MYO5B: variants seen among roughly 807,000 people sequenced by gnomAD.
MYO5B encodes the protein myosin VB, also known as unconventional myosin-Vb.
In MYO5B, 143 loss-of-function variants were observed where a neutral mutation model predicts 229.3. The observed-to-expected ratio is 0.62, with a 90% CI of 0.54 to 0.72. The LOEUF (loss-of-function observed/expected upper bound fraction) is 0.72. Ranked by LOEUF, MYO5B falls within the 30% of genes least tolerant of loss-of-function variation. MYO5B has a pLI of 0.00. For synonymous variants in MYO5B, 918 were observed against 885.2 expected, an observed-to-expected ratio of 1.04 and a Z score of -0.66; for missense variants, 2,321 against 2,331.0, an observed-to-expected ratio of 1.00 and a Z score of 0.09.
At chr18:49,887,564 AT>A (rs1209577666) in intron 22 of MYO5B, among the ~76,000 whole-genome samples, 1 of 152,144 alleles carries the variant, frequency 6.6e-6, no homozygotes, top group Non-Finnish European at 1.5e-5. Context: ...AACTTTTGCC[AT>A]GGCTGGAAGC....
chr18:49,964,495 T>C (rs1433527425), intron 10 of MYO5B, among the ~76,000 whole-genome samples: 1 of 152,216 alleles, frequency 6.6e-6, no homozygotes, highest in African/African-American at 2.4e-5. Context: ...CCATGCTCCA[T>C]TCGGGTCAGC....
rs2025725543 is a variant in MYO5B at position 49,974,632 on chromosome 18, A to C, written c.1057-17T>G. On this transcript the variant is annotated splice_polypyrimidine_tract_variant and intron_variant, in intron 9 of 39. Transcript: ENST00000285039. Reference sequence around the variant, plus strand: ...ATCCTGGGGCTGTGGGAGATGGGGGAGATAGGTTCAGGAGGAGTGTGGGAG... The same window carrying C: ...ATCCTGGGGCTGTGGGAGATGGGGGCGATAGGTTCAGGAGGAGTGTGGGAG... The C allele has an allele frequency of 6.2e-7, 1 of 1,611,464 alleles. No individual in the cohort carries two copies. Among genetic ancestry groups the C allele is most frequent in the East Asian group, 2.2e-5 (1 of 44,814 alleles).
At chr18:50,102,725 C>A (rs1242291119) in intron 1 of MYO5B, among the ~76,000 whole-genome samples, 1 of 143,754 alleles carries the variant, frequency 7.0e-6, no homozygotes, top group Non-Finnish European at 1.5e-5. Flanking sequence ...ACCTCAGAAC[C>A]AATGAATTAA....
At chr18:50,117,339 C>T (rs1380686436) in intron 1 of MYO5B, among the ~76,000 whole-genome samples, 1 of 152,046 alleles carries the variant, frequency 6.6e-6, no homozygotes, top group Admixed American at 6.6e-5. Context: ...AAGGCTCTTC[C>T]AGGAAGACCC....
At chr18:49,835,260 AGAG>A in intron 39 of MYO5B, 81 bp downstream of exon 39, 1 of 957,548 alleles carries the variant, frequency 1.0e-6, no homozygotes, top group Non-Finnish European at 1.7e-6. Context: ...TTAGTAATAA[AGAG>A]AAGCAAGATT....
chr18:50,125,396 A>G (rs2032144177), intron 1 of MYO5B, among the ~76,000 whole-genome samples: 1 of 150,348 alleles, frequency 6.7e-6, no homozygotes, highest in African/African-American at 2.4e-5. Flanking sequence ...GGGAAGGGAT[A>G]GCATTAGGAG....
chr18:49,909,542 A>T (rs11082787), intron 18 of MYO5B, among the ~76,000 whole-genome samples: 2 of 152,204 alleles, frequency 1.3e-5, no homozygotes, highest in Non-Finnish European at 2.9e-5. Flanking sequence ...CTAGTTCCCC[A>T]GCCAGCTGCA....
intron 1 of MYO5B, among the ~76,000 whole-genome samples, chr18:50,188,988 C>T (rs2033192022): frequency 6.6e-6 from 1 of 151,986 alleles, no homozygotes; most frequent in African/African-American, 2.4e-5. Flanking sequence ...CATCTGAAAA[C>T]GGGGAGCAGA....
At chr18:50,048,971 G>A (rs368710192) in intron 2 of MYO5B, among the ~76,000 whole-genome samples, 2 of 150,550 alleles carry the variant, frequency 1.3e-5, no homozygotes, top group South Asian at 2.1e-4. Context: ...GAAGTGTGCC[G>A]AGATTGCACC....
intron 14 of MYO5B, among the ~76,000 whole-genome samples, chr18:49,949,287 T>C (rs1027870692): frequency 2.6e-5 from 4 of 151,950 alleles, no homozygotes; most frequent in Non-Finnish European, 5.9e-5. Context: ...TTCTCCTGGT[T>C]GATAAATTAT....
At chr18:50,151,360 C>T (rs2032595691) in intron 1 of MYO5B, among the ~76,000 whole-genome samples, 1 of 152,156 alleles carries the variant, frequency 6.6e-6, no homozygotes. Flanking sequence ...AATTCTGTGA[C>T]CAAGGAGAAG....
intron 29 of MYO5B, among the ~76,000 whole-genome samples, chr18:49,858,730 T>C (rs1483063045): frequency 1.3e-5 from 2 of 152,170 alleles, no homozygotes; most frequent in Non-Finnish European, 2.9e-5. Context: ...CCAGGCACTA[T>C]TGACAAAGAT....
At chr18:50,164,809 T>A (rs548349922) in intron 1 of MYO5B, among the ~76,000 whole-genome samples, 2 of 152,348 alleles carry the variant, frequency 1.3e-5, no homozygotes, top group South Asian at 4.1e-4. Flanking sequence ...GTTCTCATTG[T>A]TCTCTGATGC....
chr18:49,993,318 G>A (rs1187663058), intron 5 of MYO5B, among the ~76,000 whole-genome samples: 1 of 151,766 alleles, frequency 6.6e-6, no homozygotes, highest in Non-Finnish European at 1.5e-5. Flanking sequence ...TACCCCTCAA[G>A]TCCTGCCCAG....
intron 1 of MYO5B, among the ~76,000 whole-genome samples, chr18:50,179,940 G>A (rs1025273097): frequency 9.9e-5 from 15 of 152,144 alleles, no homozygotes; most frequent in African/African-American, 2.9e-4. Context: ...GTATCAATGC[G>A]GGATGCTCTT....
At chr18:50,072,478 C>T (rs532704158) in intron 1 of MYO5B, among the ~76,000 whole-genome samples, 9 of 152,194 alleles carry the variant, frequency 5.9e-5, no homozygotes, top group African/African-American at 1.2e-4. Flanking sequence ...GAACGCTGGC[C>T]CCAAACCTAA....
At chr18:49,906,352 TGAGAAAGGCAG>T in intron 19 of MYO5B, 56 bp downstream of exon 19, 6 of 1,495,784 alleles carry the variant, frequency 4.0e-6, no homozygotes, top group Non-Finnish European at 5.6e-6. Context: ...GCCAAGTAGC[TGAGAAAGGCAG>T]ACCCCCATCT....
At chr18:50,008,212 C>T (rs908870486) in intron 4 of MYO5B, among the ~76,000 whole-genome samples, 4 of 152,146 alleles carry the variant, frequency 2.6e-5, no homozygotes, top group Non-Finnish European at 5.9e-5. Flanking sequence ...AGAAGGCCCC[C>T]ACCACCCACC....
At chr18:50,148,635 C>CT (rs1423983031) in intron 1 of MYO5B, among the ~76,000 whole-genome samples, 1 of 151,992 alleles carries the variant, frequency 6.6e-6, no homozygotes, top group African/African-American at 2.4e-5. Context: ...AATTCAACAA[C>CT]CTTCATGCTA....
Sources: gnomAD v4.1 joint callset for allele counts (sites outside exome capture counted in the v4.1 genomes callset) on GRCh38, gnomAD v4.1.1 for gene constraint, MANE v1.5 for transcripts, NCBI Gene and HGNC (gene_info 2026-07-23, HGNC 2026-07-21) for gene names.